The following IGSF21 variants were observed in gnomAD, a reference collection of about 807,000 sequenced individuals.
The protein encoded by IGSF21 is immunoglobin superfamily member 21.
In IGSF21, 28 loss-of-function variants were observed where a neutral mutation model predicts 46.8. The observed-to-expected ratio is 0.60, with a 90% CI of 0.44 to 0.82. The LOEUF (loss-of-function observed/expected upper bound fraction) is 0.82, where lower values mean the gene tolerates loss of function less well. Ranked by LOEUF, IGSF21 falls within the 40% of genes least tolerant of loss-of-function variation. The pLI, the probability that IGSF21 is intolerant of heterozygous loss-of-function variation, is 0.00. For missense variants in IGSF21, 624 were observed against 665.5 expected (o/e 0.94, Z 0.69); for synonymous variants, 284 against 273.6 (o/e 1.04, Z -0.38).
intron 4 of IGSF21, among the ~76,000 whole-genome samples, chr1:18,359,462 G>GAAAGGGAAGGAAGGAAGGAA (rs1491492678): frequency 4.0e-5 from 3 of 74,880 alleles, no homozygotes; most frequent in African/African-American, 1.6e-4. Context: ...AAGAAAGAAA[G>GAAAGGGAAGGAAGGAAGGAA]GGAAGGAAGG....
At chr1:18,273,441 TCTCA>T (rs58851697) in intron 2 of IGSF21, among the ~76,000 whole-genome samples, 4 of 121,842 alleles carry the variant, frequency 3.3e-5, no homozygotes, top group South Asian at 2.5e-4. Context: ...TTTCTTTCTT[TCTCA>T]CTTTCTTTCT....
chr1:18,250,098 G>C (rs1423487443), intron 2 of IGSF21, among the ~76,000 whole-genome samples: 70 of 59,840 alleles, frequency 1.2e-3, no homozygotes, highest in South Asian at 2.4e-3. Flanking sequence ...TCCCTCCCTC[G>C]CTCCCTCCCT....
At chr1:18,299,151 T>G (rs1435464342) in intron 3 of IGSF21, among the ~76,000 whole-genome samples, 1 of 152,182 alleles carries the variant, frequency 6.6e-6, no homozygotes, top group African/African-American at 2.4e-5. Context: ...TGGGAGCTGA[T>G]TCTCTGGTCA....
At chr1:18,131,808 T>C (rs1053373147) in intron 1 of IGSF21, among the ~76,000 whole-genome samples, 12 of 152,158 alleles carry the variant, frequency 7.9e-5, no homozygotes, top group African/African-American at 2.9e-4. Flanking sequence ...TTCTACTTCT[T>C]ATAAGCCTGG....
intron 1 of IGSF21, among the ~76,000 whole-genome samples, chr1:18,188,160 C>G (rs1321073314): frequency 2.0e-5 from 3 of 152,040 alleles, no homozygotes; most frequent in Non-Finnish European, 4.4e-5. Context: ...GATATTTTGA[C>G]TTTTTCTGAA....
At chr1:18,363,774 G>A (rs1204252331) in intron 5 of IGSF21, among the ~76,000 whole-genome samples, 1 of 151,348 alleles carries the variant, frequency 6.6e-6, no homozygotes, top group African/African-American at 2.4e-5. Context: ...GAGGTGCAGA[G>A]GCACAGGTGG....
chr1:18,376,270 T>C, intron 6 of IGSF21, 40 bp from the exon 7 acceptor site: 1 of 1,382,080 alleles, frequency 7.2e-7, no homozygotes, highest in Non-Finnish European at 1.0e-6. Flanking sequence ...CTGTCCCTCC[T>C]TTCCTTACTC....
At chr1:18,358,147 A>G (rs1177156390) in intron 4 of IGSF21, among the ~76,000 whole-genome samples, 3 of 152,068 alleles carry the variant, frequency 2.0e-5, no homozygotes. Flanking sequence ...GGGCCATTCC[A>G]GGCTCTGCCA....
intron 1 of IGSF21, among the ~76,000 whole-genome samples, chr1:18,158,966 C>A (rs1237542350): frequency 6.6e-6 from 1 of 152,200 alleles, no homozygotes; most frequent in Admixed American, 6.5e-5. Context: ...GGGCGATTCC[C>A]TCCCACTCAT....
chr1:18,332,348 C>G (rs1321646463), intron 3 of IGSF21, among the ~76,000 whole-genome samples: 1 of 152,224 alleles, frequency 6.6e-6, no homozygotes, highest in African/African-American at 2.4e-5. Flanking sequence ...TCACCTGAAC[C>G]TGCCACCTGA....
intron 1 of IGSF21, among the ~76,000 whole-genome samples, chr1:18,152,786 C>A (rs897381147): frequency 2.0e-5 from 3 of 152,066 alleles, no homozygotes; most frequent in African/African-American, 7.2e-5. Flanking sequence ...TGCCCAGAGC[C>A]CTAAATAACA....
chr1:18,246,575 G>A (rs1323482533), intron 2 of IGSF21, among the ~76,000 whole-genome samples: 2 of 152,030 alleles, frequency 1.3e-5, no homozygotes, highest in Non-Finnish European at 2.9e-5. Context: ...TGGAGTCCCT[G>A]GAGTTACACC....
At chr1:18,166,324 T>G (rs2086678198) in intron 1 of IGSF21, among the ~76,000 whole-genome samples, 1 of 152,212 alleles carries the variant, frequency 6.6e-6, no homozygotes, top group Non-Finnish European at 1.5e-5. Context: ...TGTTTATCTT[T>G]GCCTGGTTTC....
chr1:18,215,890 G>A (rs1174561358), intron 1 of IGSF21, among the ~76,000 whole-genome samples: 1 of 152,148 alleles, frequency 6.6e-6, no homozygotes, highest in Admixed American at 6.5e-5. Context: ...ATCCCCGTAA[G>A]GTACAGTGTT....
At chr1:18,350,916 C>A (rs61760821) in intron 4 of IGSF21, among the ~76,000 whole-genome samples, 7,430 of 151,740 alleles carry the variant, frequency 0.049, 284 homozygotes, top group Admixed American at 0.1. Context: ...GCAGGGAGAT[C>A]GGCAGGCGTG....
At chr1:18,314,945 G>T (rs1359501619) in intron 3 of IGSF21, among the ~76,000 whole-genome samples, 1 of 152,130 alleles carries the variant, frequency 6.6e-6, no homozygotes, top group Non-Finnish European at 1.5e-5. Flanking sequence ...CCAGCTGATG[G>T]AGGTGCAGGA....
chr1:18,373,156 C>A (rs911797357), intron 6 of IGSF21, among the ~76,000 whole-genome samples: 18 of 152,162 alleles, frequency 1.2e-4, no homozygotes, highest in African/African-American at 4.3e-4. Flanking sequence ...CCTATTCTCC[C>A]CATTTACAAG....
At chr1:18,120,509 A>G (rs1450886595) in intron 1 of IGSF21, among the ~76,000 whole-genome samples, 1 of 152,212 alleles carries the variant, frequency 6.6e-6, no homozygotes, top group African/African-American at 2.4e-5. Context: ...GAGATCCAGC[A>G]CAATTCTGCT....
At chr1:18,377,127 GC>G (rs1264770580) in intron 8 of IGSF21, 135 bp downstream of exon 8, 12 of 923,724 alleles carry the variant, frequency 1.3e-5, no homozygotes, top group Admixed American at 2.8e-5. Flanking sequence ...CTGAGAGGGT[GC>G]CCCACTGGGA....
Sources: gnomAD v4.1 joint callset for allele counts (sites outside exome capture counted in the v4.1 genomes callset) on GRCh38, gnomAD v4.1.1 for gene constraint, MANE v1.5 for transcripts, NCBI Gene and HGNC (gene_info 2026-07-23, HGNC 2026-07-21) for gene names.